Variants in FBRSL1 observed in about 807,000 individuals in gnomAD.
The protein encoded by FBRSL1 is fibrosin-1-like protein.
In FBRSL1, 51 loss-of-function variants were observed where a neutral mutation model predicts 89.6. The observed-to-expected ratio is 0.57, with a 90% CI of 0.45 to 0.72. The LOEUF is 0.72. Ranked by LOEUF, FBRSL1 falls within the 30% of genes least tolerant of loss-of-function variation. The probability of loss-of-function intolerance (pLI) is 0.00; values close to 1 mark genes in which losing one functional copy is unlikely to be tolerated. For synonymous variants in FBRSL1, 779 were observed against 681.1 expected (o/e 1.14, Z -2.24); for missense variants, 1,618 against 1,451.8 (o/e 1.11, Z -1.86).
At chr12:132,561,493 C>T (rs2039123256) in intron 5 of FBRSL1, among the ~76,000 whole-genome samples, 1 of 152,162 alleles carries the variant, frequency 6.6e-6, no homozygotes, top group Non-Finnish European at 1.5e-5. Context: ...CGAGGGCCGG[C>T]TTTGGGGGCT....
At chr12:132,553,477 C>T (rs557541312) in intron 5 of FBRSL1, 15 of 151,922 alleles carry the variant, frequency 9.9e-5, no homozygotes, top group African/African-American at 1.2e-4. Context: ...TGGTAGAACT[C>T]GGCGTTTGGT....
At chr12:132,492,124 G>A (rs2031121185) in intron 1 of FBRSL1, among the ~76,000 whole-genome samples, 2 of 152,188 alleles carry the variant, frequency 1.3e-5, no homozygotes, top group Admixed American at 1.3e-4. Flanking sequence ...CAGGCCCTGC[G>A]CTCGGCTCCT....
At chr12:132,534,690 C>T (rs983620210) in intron 4 of FBRSL1, among the ~76,000 whole-genome samples, 3 of 152,238 alleles carry the variant, frequency 2.0e-5, no homozygotes, top group Admixed American at 6.5e-5. Context: ...GGTGGCTGGG[C>T]TGGGTGGAGG....
Position 132,490,681 on chromosome 12 carries a change from G to C in FBRSL1, c.111G>C (p.Glu37Asp), listed in dbSNP as rs2030691024. The C allele has an allele frequency of 1.0e-6, 1 of 1,000,612 alleles. No individual in the cohort carries two copies. The highest frequency in any genetic ancestry group is 1.8e-5 in the African/African-American group (1 of 56,970). The allele number at this position is 1,000,612 out of a possible 1,614,324, so 62.0% of individuals were successfully genotyped here. ...ARAQSPSSGD[E>D]PEPSPGKENA... is the part of the protein sequence containing the mutation. ...CCCAGAGTCCGTCGTCGGGCGACGA[G>C]CCCGAGCCCAGCCCCGGCAAGGAGA... The change falls in exon 1 of 19, where the codon GAG (glutamate) becomes GAC (aspartate). Residue 37 changes from glutamate to aspartate, a missense_variant. Glu to Asp is a conservative substitution (Grantham distance 45). Transcript: ENST00000680143.
At chr12:132,515,130 C>T (rs979746011) in intron 2 of FBRSL1, among the ~76,000 whole-genome samples, 1 of 152,182 alleles carries the variant, frequency 6.6e-6, no homozygotes, top group Admixed American at 6.5e-5. Context: ...CATCCTCTAC[C>T]TCATCGGCTC....
In FBRSL1 at chr12:132,572,619, T is replaced by G. The variant is rs1279698391; in HGVS notation, c.1527T>G (p.Pro509=). 6.5e-7 allele frequency: 1 copy of G among 1,548,846 alleles called. No individual in the cohort carries two copies. The highest frequency in any genetic ancestry group is 8.7e-7 in the Non-Finnish European group (1 of 1,145,748). The change falls in exon 11 of 19, where the codon CCT becomes CCG. Residue 509 remains proline, a synonymous_variant. Coordinates refer to ENST00000680143, the MANE Select transcript of FBRSL1 (RefSeq NM_001367871.1). ...GGTCCCTGCAGGGCGCTTTTCAGCC[T>G]AAGGTACCGCTGCCCCTGGCAGGTG... The part of the protein sequence containing the change: ...PFGSLQGAFQ[P]KTSSPIEVAR...
At position 132,508,288 on chromosome 12, in the gene FBRSL1, G is replaced by A. The variant is rs760457270; in HGVS notation, c.427G>A (p.Gly143Arg). 161 of 1,549,984 alleles carry A rather than the reference G, an allele frequency of 1.0e-4. No homozygotes were observed. The highest frequency in any genetic ancestry group is 1.7e-4 in the Middle Eastern group (1 of 5,806). ...GCGGCCCCTGGAGGCAGGCAGCCCC[G>A]GGCAGGACCTCGAACCCGCCTGCGA... is the stretch of plus-strand genomic sequence containing the variant. ...NRRPLEAGSP[G>R]QDLEPACDGA... is the part of the protein sequence containing the mutation. Residue 143 changes from glycine (G) to arginine (R), a missense_variant, in exon 2 of 19, where the codon GGG becomes AGG. Coordinates refer to ENST00000680143, the MANE Select transcript of FBRSL1 (RefSeq NM_001367871.1).
At position 132,582,127 on chromosome 12, in the gene FBRSL1, G is replaced by C; in HGVS notation, c.2062G>C (p.Glu688Gln). ...CGTGCACGGCCTGCCCAGCCCCCAT[G>C]AGGCCTGGAACCGACTGCACCGGGC... ...SSVHGLPSPH[E>Q]AWNRLHRAPP... The change falls in exon 18 of 19, where the codon GAG becomes CAG. Residue 688 changes from glutamate to glutamine, a missense_variant. By Grantham distance (29) the Glu-to-Gln change is conservative. Coordinates refer to ENST00000680143, the MANE Select transcript of FBRSL1 (RefSeq NM_001367871.1). 1 of 1,549,978 alleles carries C rather than the reference G, an allele frequency of 6.5e-7. No homozygotes were observed. The highest frequency in any genetic ancestry group is 2.4e-5 in the East Asian group (1 of 40,896).
chr12:132,511,407 C>T lies in FBRSL1; in HGVS notation c.489+3057C>T, dbSNP rs574513365. On this transcript the variant is annotated intron_variant, in intron 2 of 18. Coordinates refer to ENST00000680143, the MANE Select transcript of FBRSL1 (RefSeq NM_001367871.1). ...CCTGGGCCCATCCCTGCCCCTTCCA[C>T]GGCCCCCACCTGTGGTCAGGTGTTG... is the stretch of plus-strand genomic sequence containing the variant. The T allele has an allele frequency of 3.6e-3, 3,520 of 985,900 alleles. 6 individuals carry two copies. The highest frequency in any genetic ancestry group is 4.0e-3 in the Non-Finnish European group (3,360 of 830,300). 61.1% of individuals were successfully genotyped at this position (985,900 alleles called of 1,614,324 possible). A position where few individuals can be genotyped will look rare whatever the true frequency, so the allele number is the denominator to read the frequency against.
chr12:132,493,790 C>G (rs561294631), intron 1 of FBRSL1, among the ~76,000 whole-genome samples: 153 of 152,292 alleles, frequency 1.0e-3, no homozygotes, highest in Admixed American at 2.1e-3. Context: ...TATATGTGCT[C>G]CTGTAGGGGA....
At chr12:132,565,473 G>A (rs575572846) in intron 5 of FBRSL1, 10 of 106,012 alleles carry the variant, frequency 9.4e-5, no homozygotes, top group Admixed American at 4.0e-4. Flanking sequence ...ACGTGAACCC[G>A]AGTGTGCCCA....
chr12:132,571,058 T>C lies in FBRSL1; in HGVS notation c.1214-10T>C. The C allele has an allele frequency of 1.5e-6, 2 of 1,336,260 alleles. No individual in the cohort carries two copies. Among genetic ancestry groups the C allele is most frequent in the Non-Finnish European group, 1.9e-6 (2 of 1,046,330 alleles). The allele number at this position is 1,336,260 out of a possible 1,614,324, so 82.8% of individuals were successfully genotyped here. A position where few individuals can be genotyped will look rare whatever the true frequency, so the allele number is the denominator to read the frequency against. The stretch of plus-strand genomic sequence containing the variant: ...GGGGAGGGGCTCACCGTGTTCTCTC[T>C]TGCCTCTAGATGCCAGCCTGGCGGT... On this transcript the variant is annotated splice_polypyrimidine_tract_variant and intron_variant, in intron 8 of 18. Coordinates refer to ENST00000680143, the MANE Select transcript of FBRSL1 (RefSeq NM_001367871.1).
chr12:132,508,071 A>C, intron 1 of FBRSL1, 82 bp from the exon 2 acceptor site: 19 of 1,355,922 alleles, frequency 1.4e-5, no homozygotes, highest in Non-Finnish European at 1.6e-5. Flanking sequence ...CTCCTTCCCA[A>C]GAGCTGCTCA....
Position 132,522,672 on chromosome 12 carries a change from C to T in FBRSL1, c.490-3062C>T, listed in dbSNP as rs148995103. Among the ~76,000 whole-genome samples the T allele has an allele frequency of 2.5e-3, 380 of 152,318 alleles. 2 individuals are homozygous for T. The highest frequency in any genetic ancestry group is 8.4e-3 in the African/African-American group (348 of 41,556). ...TTCCTCCTGCCCTGCTCCTGCTGCA[C>T]GCCCCACCTGCTGACATAACTGGAC... On this transcript the variant is annotated intron_variant, in intron 2 of 18. Transcript: ENST00000680143.
At chr12:132,493,987 G>A (rs1487905495) in intron 1 of FBRSL1, among the ~76,000 whole-genome samples, 5 of 152,124 alleles carry the variant, frequency 3.3e-5, no homozygotes, top group African/African-American at 1.2e-4. Context: ...TGGCAGGGCT[G>A]AGGACCTGCA....
chr12:132,578,098 A>T (rs2040492227), intron 15 of FBRSL1, among the ~76,000 whole-genome samples: 1 of 152,240 alleles, frequency 6.6e-6, no homozygotes, highest in South Asian at 2.1e-4. Context: ...CGATAGCATA[A>T]ACAGTTGCTG....
intron 2 of FBRSL1, among the ~76,000 whole-genome samples, chr12:132,524,500 G>C (rs1296901654): frequency 6.6e-6 from 1 of 152,258 alleles, no homozygotes. Flanking sequence ...CTCTGGCTGA[G>C]CCGAAGGTCG....
At chr12:132,569,413 G>T (rs1049812806) in intron 6 of FBRSL1, among the ~76,000 whole-genome samples, 3 of 152,134 alleles carry the variant, frequency 2.0e-5, no homozygotes, top group Non-Finnish European at 2.9e-5. Context: ...GTTCCAGAAA[G>T]AAAAGGTGGT....
intron 2 of FBRSL1, chr12:132,510,302 C>G (rs117206641): frequency 2.4e-6 from 3 of 1,231,610 alleles, no homozygotes; most frequent in Non-Finnish European, 3.0e-6. Context: ...CGCGGCGGTC[C>G]CTATTGGATC....
Sources: gnomAD v4.1 joint callset for allele counts (sites outside exome capture counted in the v4.1 genomes callset) on GRCh38, gnomAD v4.1.1 for gene constraint, MANE v1.5 for transcripts, NCBI Gene and HGNC (gene_info 2026-07-23, HGNC 2026-07-21) for gene names.